PRELID2: variants seen among roughly 807,000 people sequenced by gnomAD.
The protein encoded by PRELID2 is PRELI domain containing 2.
PRELID2 carries 25 observed loss-of-function variants against 28.4 expected under a neutral mutation model. That is an observed-to-expected ratio of 0.88 (90% CI 0.64 to 1.23). The LOEUF (loss-of-function observed/expected upper bound fraction) is 1.23. PRELID2 is among the 50% of genes most tolerant of loss of function. PRELID2 has a pLI of 0.00. For synonymous variants in PRELID2, 76 were observed against 71.6 expected, an observed-to-expected ratio of 1.06 and a Z score of -0.31; for missense variants, 201 against 214.4, an observed-to-expected ratio of 0.94 and a Z score of 0.39.
chr5:145,528,940 A>G (rs1166646098), intron 1 of PRELID2, among the ~76,000 whole-genome samples: 1 of 152,146 alleles, frequency 6.6e-6, no homozygotes, highest in Non-Finnish European at 1.5e-5. Flanking sequence ...AAAGCTTACT[A>G]TCAGGCTCTC....
At chr5:145,463,640 C>G in the PRELID2 span, among the ~76,000 whole-genome samples, 1 of 152,050 alleles carries the variant, frequency 6.6e-6, no homozygotes, top group African/African-American at 2.4e-5. Context: ...CTACTGGTGA[C>G]CCATTCTGGG....
intron 5 of PRELID2, among the ~76,000 whole-genome samples, chr5:145,779,851 C>G (rs1758674577): frequency 6.6e-6 from 1 of 152,160 alleles, no homozygotes; most frequent in Non-Finnish European, 1.5e-5. Flanking sequence ...CAAAGACAGG[C>G]TCATCATAAC....
At chr5:145,670,784 A>G (rs577729626) in intron 1 of PRELID2, among the ~76,000 whole-genome samples, 1 of 152,274 alleles carries the variant, frequency 6.6e-6, no homozygotes, top group Non-Finnish European at 1.5e-5. Flanking sequence ...TTTATAACTG[A>G]TGCATGGTGT....
the PRELID2 span, among the ~76,000 whole-genome samples, chr5:145,278,213 A>G: frequency 0.024 from 3,683 of 152,172 alleles, 146 homozygotes; most frequent in African/African-American, 0.084. Flanking sequence ...CAGCCTCCCA[A>G]TACACAAACC....
At chr5:145,419,418 C>T in the PRELID2 span, among the ~76,000 whole-genome samples, 2 of 125,984 alleles carry the variant, frequency 1.6e-5, no homozygotes, top group African/African-American at 6.0e-5. Flanking sequence ...TAATGATTGC[C>T]ATTCTAACTG....
chr5:145,371,448 C>A, the PRELID2 span, among the ~76,000 whole-genome samples: 1 of 152,080 alleles, frequency 6.6e-6, no homozygotes, highest in African/African-American at 2.4e-5. Context: ...AGGCTTGCAT[C>A]CCAGGAGTGA....
At chr5:145,563,378 A>T (rs1170177115) in intron 1 of PRELID2, among the ~76,000 whole-genome samples, 2 of 152,196 alleles carry the variant, frequency 1.3e-5, no homozygotes, top group Non-Finnish European at 2.9e-5. Flanking sequence ...ACATAACTGG[A>T]GCCACTGCCC....
intron 1 of PRELID2, among the ~76,000 whole-genome samples, chr5:145,720,344 C>A (rs546986496): frequency 3.3e-5 from 5 of 150,382 alleles, no homozygotes; most frequent in East Asian, 2.0e-4. Flanking sequence ...AAAAAAAAAA[C>A]CTCAGGTCTC....
intron 5 of PRELID2, among the ~76,000 whole-genome samples, chr5:145,767,829 T>A (rs1272160554): frequency 1.3e-5 from 2 of 152,186 alleles, no homozygotes; most frequent in Non-Finnish European, 2.9e-5. Context: ...CTTTACACCA[T>A]CTCTTCCAAC....
chr5:145,316,426 G>C, the PRELID2 span, among the ~76,000 whole-genome samples: 47 of 152,194 alleles, frequency 3.1e-4, no homozygotes, highest in African/African-American at 1.0e-3. Flanking sequence ...ACTACACCTG[G>C]GGACTAGATT....
the PRELID2 span, chr5:145,229,210 A>C: frequency 5.3e-5 from 43 of 814,982 alleles, no homozygotes; most frequent in African/African-American, 7.0e-4. Context: ...CTCATCTGCT[A>C]CTCGCTGGCC....
chr5:145,600,885 C>T (rs754180879), intron 1 of PRELID2, among the ~76,000 whole-genome samples: 4 of 152,156 alleles, frequency 2.6e-5, no homozygotes, highest in Non-Finnish European at 4.4e-5. Flanking sequence ...GGTGTGATGG[C>T]TTATTCCTTT....
chr5:145,516,302 A>G (rs1182084129), intron 1 of PRELID2, among the ~76,000 whole-genome samples: 1 of 152,254 alleles, frequency 6.6e-6, no homozygotes, highest in Non-Finnish European at 1.5e-5. Flanking sequence ...GTCTCAGGAT[A>G]CAAAATCAAT....
intron 6 of PRELID2, among the ~76,000 whole-genome samples, chr5:145,762,912 AT>A (rs1156974108): frequency 1.3e-5 from 2 of 152,202 alleles, no homozygotes; most frequent in African/African-American, 2.4e-5. Flanking sequence ...AAGTGAACTC[AT>A]TTAAAACTGC....
intron 1 of PRELID2, among the ~76,000 whole-genome samples, chr5:145,720,205 G>A (rs1755949941): frequency 6.6e-6 from 1 of 151,764 alleles, no homozygotes; most frequent in South Asian, 2.1e-4. Context: ...TTCAGAAAAT[G>A]TTCAGGAAAT....
intron 1 of PRELID2, among the ~76,000 whole-genome samples, chr5:145,641,462 A>T (rs913257586): frequency 6.6e-6 from 1 of 152,252 alleles, no homozygotes; most frequent in African/African-American, 2.4e-5. Flanking sequence ...TGACAAAAAA[A>T]TGTAAAATTG....
the PRELID2 span, among the ~76,000 whole-genome samples, chr5:145,378,617 T>C: frequency 0.014 from 2,096 of 152,294 alleles, 41 homozygotes; most frequent in African/African-American, 0.047. Flanking sequence ...ATTCTTGTAG[T>C]GTATTTTTTG....
intron 1 of PRELID2, among the ~76,000 whole-genome samples, chr5:145,658,658 G>A (rs1035158421): frequency 1.1e-4 from 17 of 152,068 alleles, no homozygotes; most frequent in African/African-American, 3.1e-4. Flanking sequence ...TTTGCCTTCC[G>A]TCATGACTGA....
At chr5:145,671,144 T>C (rs769368190) in intron 1 of PRELID2, among the ~76,000 whole-genome samples, 3 of 152,150 alleles carry the variant, frequency 2.0e-5, no homozygotes, top group Admixed American at 6.6e-5. Context: ...CTCAGAAAAT[T>C]TGTCTTTATA....
Sources: gnomAD v4.1 joint callset for allele counts (sites outside exome capture counted in the v4.1 genomes callset) on GRCh38, gnomAD v4.1.1 for gene constraint, MANE v1.5 for transcripts, NCBI Gene and HGNC (gene_info 2026-07-23, HGNC 2026-07-21) for gene names.